The following DAB1 variants were observed in gnomAD, a reference collection of about 807,000 sequenced individuals.
DAB1 encodes disabled homolog 1.
DAB1 carries 15 observed loss-of-function variants against 64.6 expected under a neutral mutation model. The observed-to-expected ratio is 0.23, with a 90% CI of 0.16 to 0.36. The LOEUF (loss-of-function observed/expected upper bound fraction) is 0.36. Ranked by LOEUF, DAB1 falls within the 10% of genes least tolerant of loss-of-function variation. The pLI, the probability that DAB1 is intolerant of heterozygous loss-of-function variation, is 1.00. For synonymous variants in DAB1, 235 were observed against 251.9 expected (o/e 0.93, Z 0.64); for missense variants, 596 against 706.7 (o/e 0.84, Z 1.78).
chr1:58,112,578 AAT>A (rs888632526), intron 5 of DAB1, among the ~76,000 whole-genome samples: 5 of 152,342 alleles, frequency 3.3e-5, no homozygotes, highest in Admixed American at 2.0e-4. Context: ...TGAAACTTTC[AAT>A]ATGTTTCTAG....
intron 7 of DAB1, among the ~76,000 whole-genome samples, chr1:57,431,924 G>A (rs924677885): frequency 2.0e-5 from 3 of 152,052 alleles, no homozygotes; most frequent in African/African-American, 4.8e-5. Context: ...GAGTTCAAGA[G>A]CAGCCTGACC....
At chr1:57,447,821 C>A (rs906628275) in intron 7 of DAB1, among the ~76,000 whole-genome samples, 2 of 152,114 alleles carry the variant, frequency 1.3e-5, no homozygotes, top group Non-Finnish European at 2.9e-5. Context: ...AGGTTGTGGT[C>A]AGAGAGGAGT....
At chr1:57,570,872 T>C (rs1359258134) in intron 7 of DAB1, among the ~76,000 whole-genome samples, 5 of 152,206 alleles carry the variant, frequency 3.3e-5, no homozygotes, top group African/African-American at 4.8e-5. Flanking sequence ...TATGATTTCT[T>C]TCAGCAGTGT....
At chr1:57,330,435 T>A (rs1022762622) in intron 1 of DAB1, among the ~76,000 whole-genome samples, 3 of 152,158 alleles carry the variant, frequency 2.0e-5, no homozygotes, top group African/African-American at 7.2e-5. Flanking sequence ...ATCCTTGCTG[T>A]ATCATTTACT....
At chr1:57,936,271 G>A (rs1645023235) in intron 5 of DAB1, among the ~76,000 whole-genome samples, 1 of 152,214 alleles carries the variant, frequency 6.6e-6, no homozygotes, top group Non-Finnish European at 1.5e-5. Context: ...TTTAACTCAG[G>A]CTATTTACTG....
chr1:57,704,171 G>T (rs2101734727), intron 6 of DAB1, among the ~76,000 whole-genome samples: 1 of 152,220 alleles, frequency 6.6e-6, no homozygotes, highest in South Asian at 2.1e-4. Flanking sequence ...ACCTGTACAT[G>T]TACTCCTGAA....
At chr1:58,233,602 C>T (rs1305965727) in intron 4 of DAB1, among the ~76,000 whole-genome samples, 1 of 152,192 alleles carries the variant, frequency 6.6e-6, no homozygotes, top group Non-Finnish European at 1.5e-5. Flanking sequence ...AAAGTATTTA[C>T]ATCCCCTGTA....
At chr1:57,647,263 C>CTA (rs1558573150) in intron 7 of DAB1, among the ~76,000 whole-genome samples, 1 of 152,132 alleles carries the variant, frequency 6.6e-6, no homozygotes, top group African/African-American at 2.4e-5. Context: ...GATGAATAAC[C>CTA]TTCAAACATC....
intron 9 of DAB1, among the ~76,000 whole-genome samples, chr1:57,053,684 ATATAT>A (rs1649434754): frequency 2.2e-5 from 2 of 91,250 alleles, no homozygotes; most frequent in African/African-American, 7.7e-5. Context: ...ATATATATAT[ATATAT>A]TTTTTTTTTT....
intron 2 of DAB1, among the ~76,000 whole-genome samples, chr1:57,180,261 T>C (rs1188048463): frequency 6.6e-6 from 1 of 152,220 alleles, no homozygotes; most frequent in Non-Finnish European, 1.5e-5. Flanking sequence ...GCCAAAGACC[T>C]TCTAACTTGC....
rs576535164 is a variant in DAB1 at position 57,093,951 on chromosome 1, A to G, written c.307-21537T>C. 3.3e-5 allele frequency among the ~76,000 whole-genome samples: 5 copies of G among 152,080 alleles called. No homozygotes were observed. The South Asian group carries it at 6.3e-4, about 19-fold the overall frequency. On this transcript the variant is annotated intron_variant, in intron 4 of 14. Coordinates refer to ENST00000371236, the MANE Select transcript of DAB1 (RefSeq NM_001365792.1). ...CAACATGGAGAAACCCCTTTCTACTAAAAATACAATTAGCCAGGTGTGGTG... is the reference window on the plus strand; with the variant it reads ...CAACATGGAGAAACCCCTTTCTACTGAAAATACAATTAGCCAGGTGTGGTG...
At chr1:58,536,159 G>A (rs1211639522) in intron 1 of DAB1, among the ~76,000 whole-genome samples, 1 of 152,020 alleles carries the variant, frequency 6.6e-6, no homozygotes, top group Admixed American at 6.5e-5. Flanking sequence ...CCAAGCAATG[G>A]GCGCAACTAC....
At chr1:57,153,317 C>T (rs1659876118) in intron 2 of DAB1, among the ~76,000 whole-genome samples, 1 of 152,206 alleles carries the variant, frequency 6.6e-6, no homozygotes, top group Non-Finnish European at 1.5e-5. Flanking sequence ...TGAGCCACCG[C>T]ACCCAGCCCC....
intron 5 of DAB1, among the ~76,000 whole-genome samples, chr1:57,996,214 G>A (rs544715533): frequency 7.9e-5 from 12 of 152,218 alleles, no homozygotes; most frequent in East Asian, 1.9e-4. Flanking sequence ...AGCTGAGATC[G>A]TGCCATTGGA....
At chr1:58,212,353 G>T (rs1291972596) in intron 4 of DAB1, among the ~76,000 whole-genome samples, 1 of 152,148 alleles carries the variant, frequency 6.6e-6, no homozygotes, top group African/African-American at 2.4e-5. Flanking sequence ...GATGAGTAAA[G>T]CAAGTCATAG....
At chr1:57,253,582 A>T (rs1403340608) in intron 2 of DAB1, among the ~76,000 whole-genome samples, 1 of 152,204 alleles carries the variant, frequency 6.6e-6, no homozygotes, top group Admixed American at 6.5e-5. Context: ...TCATCAGTAA[A>T]GGACAAGCAA....
intron 6 of DAB1, among the ~76,000 whole-genome samples, chr1:57,717,693 A>T (rs1166008042): frequency 6.6e-6 from 1 of 152,140 alleles, no homozygotes; most frequent in African/African-American, 2.4e-5. Flanking sequence ...AGATAAATGG[A>T]TTAAGAAAAT....
chr1:58,310,118 C>T (rs2100472508), intron 4 of DAB1, among the ~76,000 whole-genome samples: 1 of 152,296 alleles, frequency 6.6e-6, no homozygotes, highest in Middle Eastern at 3.4e-3. Context: ...CATACACACA[C>T]ATGCCCTAAA....
intron 2 of DAB1, among the ~76,000 whole-genome samples, chr1:57,188,235 C>A (rs184560256): frequency 1.3e-5 from 2 of 152,242 alleles, no homozygotes; most frequent in African/African-American, 4.8e-5. Flanking sequence ...CTTCTCCAGG[C>A]AAGTTGTCCC....
Sources: gnomAD v4.1 joint callset for allele counts (sites outside exome capture counted in the v4.1 genomes callset) on GRCh38, gnomAD v4.1.1 for gene constraint, MANE v1.5 for transcripts, NCBI Gene and HGNC (gene_info 2026-07-23, HGNC 2026-07-21) for gene names.